EXOSC10: variants seen among roughly 807,000 people sequenced by gnomAD.
EXOSC10 encodes the protein exosome component 10.
A neutral mutation model predicts 126.6 loss-of-function variants in EXOSC10; 94 were observed. The ratio of observed to expected loss-of-function variants is 0.74; its 90% CI spans 0.63 to 0.88. EXOSC10 has a LOEUF of 0.88. EXOSC10 is among the 40% of genes least tolerant of loss of function. The pLI, the probability that EXOSC10 is intolerant of heterozygous loss-of-function variation, is 0.00. For missense variants in EXOSC10, 1,041 were observed against 1,100.5 expected (o/e 0.95, Z 0.77); for synonymous variants, 395 against 400.8 (o/e 0.99, Z 0.17).
At chr1:11,079,433 T>G in intron 14 of EXOSC10, among the ~76,000 whole-genome samples, 1 of 135,002 alleles carries the variant, frequency 7.4e-6, no homozygotes, top group African/African-American at 2.8e-5. Context: ...TCGCTCTGCC[T>G]CCCAGGCTAG....
In EXOSC10 at chr1:11,068,069, T is replaced by G; in HGVS notation, c.2566A>C (p.Lys856Gln). The change falls in exon 24 of 25, where the codon AAA becomes CAA. Residue 856 changes from lysine to glutamine, a missense_variant. Lys to Gln is a moderately conservative substitution (Grantham distance 53). Coordinates refer to ENST00000376936, the MANE Select transcript of EXOSC10 (RefSeq NM_001001998.3). ...TPSGKKCIAAKKIKQSVGNKS... is the reference protein window; with the variant it reads ...TPSGKKCIAAQKIKQSVGNKS... Reference sequence around the variant, plus strand: ...TTTCCCACCGACTGTTTAATTTTTTTGGCTGCAATGCATTTCTGAAAAGAA... The same window carrying G: ...TTTCCCACCGACTGTTTAATTTTTTGGGCTGCAATGCATTTCTGAAAAGAA... 1.2e-6 allele frequency: 2 copies of G among 1,614,148 alleles called. No individual in the cohort carries two copies. Among genetic ancestry groups the G allele is most frequent in the South Asian group, 1.1e-5 (1 of 91,082 alleles).
rs776189233 is a variant in EXOSC10, at chr1:11,099,704, A to C, written c.111+17T>G. The C allele has an allele frequency of 6.3e-7, 1 of 1,590,976 alleles. No individual in the cohort carries two copies. Among genetic ancestry groups the C allele is most frequent in the Admixed American group, 1.8e-5 (1 of 57,114 alleles). Reference sequence around the variant, plus strand: ...CCGCGGGCGACTCCTGGTACCCCCGAGGCCCCGCGAACTCACCTTCACAAA... The same window carrying C: ...CCGCGGGCGACTCCTGGTACCCCCGCGGCCCCGCGAACTCACCTTCACAAA... On this transcript the variant is annotated intron_variant, in intron 1 of 24. Coordinates refer to ENST00000376936, the MANE Select transcript of EXOSC10 (RefSeq NM_001001998.3).
chr1:11,076,754 G>T, intron 17 of EXOSC10, 88 bp downstream of exon 17: 1 of 1,010,846 alleles, frequency 9.9e-7, no homozygotes, highest in Non-Finnish European at 1.5e-6. Context: ...CCGAGTGTAT[G>T]CAATGCTCCA....
chr1:11,083,020 G>A, intron 9 of EXOSC10, 142 bp from the exon 10 acceptor site: 2 of 684,608 alleles, frequency 2.9e-6, no homozygotes, highest in South Asian at 1.9e-5. Context: ...GTGTGATCTT[G>A]GCTCACTGCA....
At chr1:11,079,280 G>T (rs558735908) in intron 14 of EXOSC10, among the ~76,000 whole-genome samples, 1 of 149,480 alleles carries the variant, frequency 6.7e-6, no homozygotes, top group South Asian at 2.1e-4. Context: ...AGTGAGCCGA[G>T]ATCATGCCAC....
intron 3 of EXOSC10, 59 bp from the exon 4 acceptor site, chr1:11,091,656 T>C: frequency 8.0e-7 from 1 of 1,256,508 alleles, no homozygotes; most frequent in Non-Finnish European, 1.2e-6. Context: ...CAGAGTTAAC[T>C]ACCTAACATT....
intron 17 of EXOSC10, among the ~76,000 whole-genome samples, chr1:11,074,964 G>T (rs1056149005): frequency 5.3e-5 from 8 of 152,134 alleles, no homozygotes; most frequent in African/African-American, 1.9e-4. Flanking sequence ...GCAGACCAAG[G>T]ATCTAAACCC....
In EXOSC10 at chr1:11,083,231, G is replaced by C. The variant is rs145492736; in HGVS notation, c.1090-353C>G. ...CCCAAAATGCTGGGATTACAGGCCT[G>C]AGCCACCTCACCTGGCTGAAGCCAA... On this transcript the variant is annotated intron_variant, in intron 9 of 24. Transcript: ENST00000376936. Among the ~76,000 whole-genome samples the C allele has an allele frequency of 8.0e-3, 1,217 of 152,284 alleles. 25 individuals are homozygous for C. Among genetic ancestry groups the C allele is most frequent in the African/African-American group, 0.028 (1,149 of 41,556 alleles).
chr1:11,077,665 C>T lies in EXOSC10; in HGVS notation c.1750-14G>A, dbSNP rs778804927. The T allele has an allele frequency of 1.8e-5, 29 of 1,602,942 alleles. 1 individual carries two copies. Among genetic ancestry groups the T allele is most frequent in the Admixed American group, 1.7e-4 (10 of 59,650 alleles). ...TGCAACTTCAGACTAAGGAAAAAAA[C>T]GAAGGGAATTGAGGAAAGTTGCCCA... is the stretch of plus-strand genomic sequence containing the variant. On this transcript the variant is annotated splice_polypyrimidine_tract_variant and intron_variant, in intron 14 of 24. Transcript: ENST00000376936.
chr1:11,070,640 AC>A (rs891634223), intron 21 of EXOSC10: 6 of 437,378 alleles, frequency 1.4e-5, no homozygotes, highest in African/African-American at 1.2e-4. Context: ...TAACCTCAAT[AC>A]CTTTTCTACT....
At chr1:11,066,934 G>A (rs1639131431) in intron 24 of EXOSC10, among the ~76,000 whole-genome samples, 186 bp from the exon 25 acceptor site, 1 of 152,216 alleles carries the variant, frequency 6.6e-6, no homozygotes, top group Non-Finnish European at 1.5e-5. Flanking sequence ...AGGCAGACCT[G>A]TTTTTCCTGC....
chr1:11,073,443 A>G (rs1397004351), intron 19 of EXOSC10, among the ~76,000 whole-genome samples: 1 of 152,110 alleles, frequency 6.6e-6, no homozygotes, highest in Admixed American at 6.6e-5. Context: ...AAGTGCTTTT[A>G]AGAATCTCAC....
rs1451886404 is a variant in EXOSC10 at position 11,099,802 on chromosome 1, C to T, written c.30G>A (p.Arg10=). The T allele has an allele frequency of 1.2e-6, 2 of 1,611,570 alleles. No individual in the cohort carries two copies. Among genetic ancestry groups the T allele is most frequent in the African/African-American group, 1.3e-5 (1 of 74,676 alleles). The change falls in exon 1 of 25, where the codon AGG becomes AGA. Residue 10 remains arginine (R), a synonymous_variant. Coordinates refer to ENST00000376936, the MANE Select transcript of EXOSC10 (RefSeq NM_001001998.3). MAPPSTREP[R]VLSATSATKS... ...TGGTTGCGCTGGTCGCCGACAGGAC[C>T]CTGGGCTCCCGGGTACTGGGTGGCG...
chr1:11,097,205 G>A (rs906879581), intron 2 of EXOSC10, among the ~76,000 whole-genome samples: 6 of 149,376 alleles, frequency 4.0e-5, no homozygotes, highest in Admixed American at 2.0e-4. Flanking sequence ...GCAAGACTCC[G>A]TACTCCCCCC....
At chr1:11,068,262 G>A (rs1394064296) in intron 23 of EXOSC10, among the ~76,000 whole-genome samples, 178 bp from the exon 24 acceptor site, 1 of 152,146 alleles carries the variant, frequency 6.6e-6, no homozygotes, top group African/African-American at 2.4e-5. Context: ...GCTGCAAGAG[G>A]AACAGGAGCA....
intron 23 of EXOSC10, among the ~76,000 whole-genome samples, chr1:11,068,289 C>T (rs1466355688): frequency 6.6e-6 from 1 of 152,212 alleles, no homozygotes. Flanking sequence ...AGCAGCCCTG[C>T]CCCCGCGCCT....
chr1:11,099,603 C>T (rs1197737800), intron 1 of EXOSC10, 118 bp downstream of exon 1: 21 of 1,169,308 alleles, frequency 1.8e-5, no homozygotes, highest in Non-Finnish European at 2.2e-5. Flanking sequence ...CGGACAGGGG[C>T]CCCGCGACCC....
In EXOSC10 at chr1:11,082,832, A is replaced by G. The variant is rs765055809; in HGVS notation, c.1136T>C (p.Phe379Ser). 1 of 1,614,150 alleles carries G rather than the reference A, an allele frequency of 6.2e-7. No individual in the cohort carries two copies. The highest frequency in any genetic ancestry group is 8.5e-7 in the Non-Finnish European group (1 of 1,180,020). Residue 379 changes from phenylalanine to serine, a missense_variant, in exon 10 of 25, where the codon TTT becomes TCT. This residue lies in a region of EXOSC10 where 645 missense variants were observed against 656.3 expected (regional missense o/e 0.98). Transcript: ENST00000376936. The stretch of plus-strand genomic sequence containing the variant: ...AAACATGTTTACTACATACAACCCA[A>G]AGTCTTTCTGTAGCCATTCTATGTC... ...DSDIEWLQKDFGLYVVNMFDT... is the reference protein window; with the variant it reads ...DSDIEWLQKDSGLYVVNMFDT...
At position 11,068,066 on chromosome 1, in the gene EXOSC10, T is replaced by A. The variant is rs141459158; in HGVS notation, c.2569A>T (p.Lys857Ter). The change falls in exon 24 of 25, where the codon AAA becomes TAA. Residue 857 changes from lysine (K) to a stop codon, truncating the protein, a stop_gained. Transcript: ENST00000376936. LOFTEE classifies it high-confidence loss of function. ...TTGTTTCCCACCGACTGTTTAATTT[T>A]TTTGGCTGCAATGCATTTCTGAAAA... ...PSGKKCIAAK[K>*]IKQSVGNKSM... 11 of 1,614,162 alleles carry A rather than the reference T, an allele frequency of 6.8e-6. No homozygotes were observed. In the African/African-American group the frequency reaches 1.2e-4, roughly 18 times the overall value.
Sources: gnomAD v4.1 joint callset for allele counts (sites outside exome capture counted in the v4.1 genomes callset) on GRCh38, gnomAD v4.1.1 for gene constraint, gnomAD v4.1.1 regional missense constraint, MANE v1.5 for transcripts, NCBI Gene and HGNC (gene_info 2026-07-23, HGNC 2026-07-21) for gene names.